Variants in KALRN observed in about 807,000 individuals in gnomAD.
The protein encoded by KALRN is kalirin.
KALRN carries 70 observed loss-of-function variants against 353.7 expected under a neutral mutation model. The observed-to-expected ratio is 0.20, with a 90% CI of 0.16 to 0.24. The LOEUF (loss-of-function observed/expected upper bound fraction) is 0.24. Ranked by LOEUF, KALRN falls within the 10% of genes least tolerant of loss-of-function variation. The probability of loss-of-function intolerance (pLI) is 1.00; values close to 1 mark genes in which losing one functional copy is unlikely to be tolerated. For synonymous variants in KALRN, 1,391 were observed against 1,434.8 expected, an observed-to-expected ratio of 0.97 and a Z score of 0.69; for missense variants, 2,791 against 3,756.7, an observed-to-expected ratio of 0.74 and a Z score of 6.72.
At chr3:124,622,226 G>C (rs1210880593) in intron 34 of KALRN, among the ~76,000 whole-genome samples, 1 of 152,120 alleles carries the variant, frequency 6.6e-6, no homozygotes. Context: ...TCTGTAAATT[G>C]TTAGTGGATA....
At chr3:124,567,986 AAAAG>A (rs1245651317) in intron 34 of KALRN, among the ~76,000 whole-genome samples, 1 of 149,950 alleles carries the variant, frequency 6.7e-6, no homozygotes, top group Non-Finnish European at 1.5e-5. Flanking sequence ...GGGGGAAAAA[AAAAG>A]AAGAAGAACA....
intron 9 of KALRN, among the ~76,000 whole-genome samples, chr3:124,338,064 T>C (rs1263330407): frequency 6.6e-6 from 1 of 152,310 alleles, no homozygotes; most frequent in Admixed American, 6.5e-5. Context: ...TCTATCTATT[T>C]TGTTAATCTT....
intron 34 of KALRN, among the ~76,000 whole-genome samples, chr3:124,575,097 A>G (rs1194715832): frequency 6.6e-6 from 1 of 152,254 alleles, no homozygotes; most frequent in Non-Finnish European, 1.5e-5. Flanking sequence ...TCTGAATACC[A>G]GCCCTCTGCC....
intron 33 of KALRN, among the ~76,000 whole-genome samples, chr3:124,526,533 C>G (rs555238137): frequency 3.9e-5 from 6 of 152,202 alleles, no homozygotes; most frequent in African/African-American, 1.4e-4. Context: ...CAAGATCACA[C>G]CACTGCACTC....
chr3:124,629,661 C>T (rs985579687), intron 34 of KALRN, among the ~76,000 whole-genome samples: 5 of 152,176 alleles, frequency 3.3e-5, no homozygotes, highest in African/African-American at 7.2e-5. Flanking sequence ...AGATCAATCC[C>T]GCCTACACTG....
intron 5 of KALRN, among the ~76,000 whole-genome samples, chr3:124,280,133 A>G (rs544469194): frequency 6.6e-6 from 1 of 152,368 alleles, no homozygotes; most frequent in African/African-American, 2.4e-5. Flanking sequence ...TGCCAGGAGC[A>G]TCTGAGAATC....
intron 34 of KALRN, among the ~76,000 whole-genome samples, chr3:124,579,016 C>G (rs2074390067): frequency 6.6e-6 from 1 of 152,166 alleles, no homozygotes; most frequent in Admixed American, 6.5e-5. Context: ...CCTTCTTTCT[C>G]TATCCTGAGC....
intron 33 of KALRN, among the ~76,000 whole-genome samples, chr3:124,559,624 G>A (rs114011539): frequency 6.6e-6 from 1 of 152,306 alleles, no homozygotes; most frequent in Non-Finnish European, 1.5e-5. Flanking sequence ...CCGAGATTCT[G>A]TGCTGCCTAC....
At chr3:124,480,546 A>G (rs548172302) in intron 27 of KALRN, among the ~76,000 whole-genome samples, 1 of 152,156 alleles carries the variant, frequency 6.6e-6, no homozygotes, top group African/African-American at 2.4e-5. Flanking sequence ...TTATTGAGAG[A>G]TGATTTCAGA....
At chr3:124,664,364 T>TGCGCGCGCGC (rs769865594) in intron 45 of KALRN, among the ~76,000 whole-genome samples, 1 of 127,028 alleles carries the variant, frequency 7.9e-6, no homozygotes, top group Non-Finnish European at 1.6e-5. Context: ...TGTGTGTGTG[T>TGCGCGCGCGC]GTGTGTGCGC....
At chr3:124,276,393 A>G (rs947799232) in intron 5 of KALRN, among the ~76,000 whole-genome samples, 2 of 152,048 alleles carry the variant, frequency 1.3e-5, no homozygotes, top group Non-Finnish European at 2.9e-5. Flanking sequence ...CTCTCCCTCC[A>G]AGGTATAAAC....
intron 2 of KALRN, among the ~76,000 whole-genome samples, chr3:124,230,633 G>A (rs189035849): frequency 7.9e-5 from 12 of 152,030 alleles, no homozygotes; most frequent in African/African-American, 2.9e-4. Flanking sequence ...TAGGACGAAG[G>A]GGGCTGGGAG....
intron 34 of KALRN, among the ~76,000 whole-genome samples, chr3:124,567,023 A>T (rs756021459): frequency 4.6e-5 from 7 of 152,154 alleles, no homozygotes; most frequent in Non-Finnish European, 7.3e-5. Flanking sequence ...AATGGGGACA[A>T]AAGAACCACA....
intron 5 of KALRN, among the ~76,000 whole-genome samples, chr3:124,281,178 A>T (rs1052773012): frequency 6.6e-6 from 1 of 151,778 alleles, no homozygotes; most frequent in African/African-American, 2.4e-5. Context: ...TTGAAATCCC[A>T]CTCTTGGTTT....
At chr3:124,607,086 A>C (rs1004725473) in intron 34 of KALRN, among the ~76,000 whole-genome samples, 1 of 152,270 alleles carries the variant, frequency 6.6e-6, no homozygotes, top group Non-Finnish European at 1.5e-5. Flanking sequence ...ACCCTAAAGA[A>C]GGTCTCCATT....
Position 124,661,866 on chromosome 3 carries a change from A to C in KALRN, c.6283A>C (p.Met2095Leu). 1 of 1,614,058 alleles carries C rather than the reference A, an allele frequency of 6.2e-7. No individual in the cohort carries two copies. Among genetic ancestry groups the C allele is most frequent in the Non-Finnish European group, 8.5e-7 (1 of 1,179,922 alleles). The change falls in exon 45 of 60, where the codon ATG (methionine) becomes CTG (leucine). Residue 2095 changes from methionine to leucine, a missense_variant. This residue lies in a region of KALRN where 1,065 missense variants were observed against 1,156.4 expected (regional missense o/e 0.92). Transcript: ENST00000682506. ...CSDIEKAVEL[M>L]CLVPKRCNDM... ...TTTCCCACAGAAAGCAGTGGAGTTA[A>C]TGTGCCTTGTTCCCAAACGCTGCAA...
chr3:124,290,271 G>T (rs1223943089), intron 5 of KALRN, among the ~76,000 whole-genome samples: 1 of 152,140 alleles, frequency 6.6e-6, no homozygotes, highest in Non-Finnish European at 1.5e-5. Context: ...TGGTCTTGGG[G>T]GGCAGACAGG....
chr3:124,662,492 A>T (rs938046770), intron 45 of KALRN, among the ~76,000 whole-genome samples: 2 of 152,148 alleles, frequency 1.3e-5, no homozygotes, highest in Admixed American at 1.3e-4. Flanking sequence ...TTCTTGATTG[A>T]TAAAGCAGGG....
intron 42 of KALRN, among the ~76,000 whole-genome samples, chr3:124,658,841 G>A (rs1347328791): frequency 6.6e-6 from 1 of 152,306 alleles, no homozygotes; most frequent in South Asian, 2.1e-4. Flanking sequence ...GTACCCACCA[G>A]TCCCCCAGGG....
Sources: allele counts gnomAD v4.1 joint callset (sites outside exome capture counted in the v4.1 genomes callset), GRCh38; gene constraint gnomAD v4.1.1; regional missense constraint gnomAD v4.1.1; transcripts MANE v1.5; gene names NCBI Gene and HGNC (gene_info 2026-07-23, HGNC 2026-07-21).